Variants in RAP1GAP2 observed in about 807,000 individuals in gnomAD.
The protein encoded by RAP1GAP2 is rap1 GTPase-activating protein 2.
Under a neutral mutation model 95.0 loss-of-function variants are expected in RAP1GAP2, and 27 were observed. That is an observed-to-expected ratio of 0.28 (90% confidence interval 0.21 to 0.39). RAP1GAP2 has a LOEUF of 0.39. Ranked by LOEUF, RAP1GAP2 falls within the 10% of genes least tolerant of loss-of-function variation. The pLI is 1.00. For synonymous variants in RAP1GAP2, 373 were observed against 380.9 expected (o/e 0.98, Z 0.24); for missense variants, 771 against 970.0 (o/e 0.79, Z 2.72).
At chr17:2,962,875 G>A (rs2044400832) in intron 5 of RAP1GAP2, 161 bp downstream of exon 5, 5 of 670,326 alleles carry the variant, frequency 7.5e-6, no homozygotes, top group South Asian at 2.2e-5. Flanking sequence ...TTAGACCAGT[G>A]CACGGTGGGC....
At chr17:2,921,261 G>A (rs563674360) in intron 3 of RAP1GAP2, among the ~76,000 whole-genome samples, 1 of 151,930 alleles carries the variant, frequency 6.6e-6, no homozygotes, top group African/African-American at 2.4e-5. Context: ...GTGCAGTGGC[G>A]TGATCTTGGC....
rs967579580 is a variant in RAP1GAP2, at chr17:2,857,796, C to T, written c.81-47488C>T. Among the ~76,000 whole-genome samples, 2 of 152,110 alleles carry T rather than the reference C, an allele frequency of 1.3e-5. No homozygotes were observed. The highest frequency in any genetic ancestry group is 2.4e-5 in the African/African-American group (1 of 41,430). ...TGGGAAGGACGGAGGCCGAGGAACA[C>T]GATCAAAATATGTACGTTCTTGGCC... On this transcript the variant is annotated intron_variant, in intron 2 of 24. Coordinates refer to ENST00000254695, the MANE Select transcript of RAP1GAP2 (RefSeq NM_015085.5). The surrounding 1 kb of genome is among the most constrained non-coding windows in gnomAD (Gnocchi z 4.0).
intron 2 of RAP1GAP2, among the ~76,000 whole-genome samples, chr17:2,861,650 TG>T (rs67341896): frequency 0.52 from 73,193 of 140,034 alleles, 18,189 homozygotes; most frequent in African/African-American, 0.61. Flanking sequence ...GTATTTTTTT[TG>T]GGGGGGGGGA....
At chr17:2,790,646 G>A (rs1359401590) in intron 1 of RAP1GAP2, among the ~76,000 whole-genome samples, 2 of 152,210 alleles carry the variant, frequency 1.3e-5, no homozygotes, top group African/African-American at 4.8e-5. Context: ...CCTAGTGCCT[G>A]CTTCACTCGG....
chr17:2,905,350 G>A lies in RAP1GAP2; in HGVS notation c.147G>A (p.Thr49=), dbSNP rs777053914. ...ACCGGCCGCTCTCCCCTCCTCTCAC[G>A]GCACCTCCCACCATGAAGGTAAGAG... The part of the protein sequence containing the change: ...LPDRPLSPPL[T]APPTMKSSEF... Residue 49 remains threonine, a synonymous_variant, in exon 3 of 25, where the codon ACG becomes ACA. Coordinates refer to ENST00000254695, the MANE Select transcript of RAP1GAP2 (RefSeq NM_015085.5). 6 of 1,613,474 alleles carry A rather than the reference G, an allele frequency of 3.7e-6. No homozygotes were observed. The highest frequency in any genetic ancestry group is 5.1e-6 in the Non-Finnish European group (6 of 1,179,590).
At chr17:2,770,594 T>C (rs1027752075) in intron 2 of RAP1GAP2, 11 of 396,746 alleles carry the variant, frequency 2.8e-5, no homozygotes, top group Non-Finnish European at 4.9e-5. Flanking sequence ...TAGGAAAGAA[T>C]TTATCAGCCT....
At chr17:2,862,768 C>T (rs779749467) in intron 2 of RAP1GAP2, among the ~76,000 whole-genome samples, 13 of 152,048 alleles carry the variant, frequency 8.5e-5, no homozygotes, top group Non-Finnish European at 1.6e-4. Flanking sequence ...GAGGCCAAGG[C>T]GGGCGGATCA....
In RAP1GAP2 at chr17:2,963,332, C is replaced by T; in HGVS notation, c.247-98C>T. On this transcript the variant is annotated intron_variant, in intron 5 of 24. Coordinates refer to ENST00000254695, the MANE Select transcript of RAP1GAP2 (RefSeq NM_015085.5). The surrounding 1 kb of genome is among the most constrained non-coding windows in gnomAD (Gnocchi z 4.8). ...CATCGAATGTTCCTCCCTCAAAGCC[C>T]CCCCACAACATATCCCCCTTGCAAG... is the stretch of plus-strand genomic sequence containing the variant. The T allele has an allele frequency of 7.4e-7, 1 of 1,360,264 alleles. No individual in the cohort carries two copies. Among genetic ancestry groups the T allele is most frequent in the South Asian group, 1.2e-5 (1 of 85,394 alleles). The allele number at this position is 1,360,264 out of a possible 1,614,324, so 84.3% of individuals were successfully genotyped here. A position where few individuals can be genotyped will look rare whatever the true frequency, so the allele number is the denominator to read the frequency against.
At chr17:3,012,951 G>T (rs1313429253) in intron 17 of RAP1GAP2, among the ~76,000 whole-genome samples, 5 of 152,192 alleles carry the variant, frequency 3.3e-5, no homozygotes, top group African/African-American at 9.7e-5. Flanking sequence ...CGTAGAGCAC[G>T]TGCAGGCCAC....
intron 3 of RAP1GAP2, among the ~76,000 whole-genome samples, chr17:2,905,590 G>A (rs1377956967): frequency 1.3e-5 from 2 of 152,226 alleles, no homozygotes; most frequent in Non-Finnish European, 2.9e-5. Context: ...CATTGGGGTT[G>A]AAATGGGGTT....
In RAP1GAP2 at chr17:3,029,362, C is replaced by T. The variant is rs1425831496; in HGVS notation, c.2108-1560C>T. ...GGCTGCCTCTTACACACCTTTTCTCCACACAGTATTTAACCCCGATGGGCT... is the reference window on the plus strand; with the variant it reads ...GGCTGCCTCTTACACACCTTTTCTCTACACAGTATTTAACCCCGATGGGCT... On this transcript the variant is annotated intron_variant, in intron 22 of 24. Coordinates refer to ENST00000254695, the MANE Select transcript of RAP1GAP2 (RefSeq NM_015085.5). This position sits in a 1 kb window ranked among gnomAD's most constrained non-coding sequence, Gnocchi z 4.4. 6.6e-6 allele frequency among the ~76,000 whole-genome samples: 1 copy of T among 152,114 alleles called. No homozygotes were observed. Among genetic ancestry groups the T allele is most frequent in the Non-Finnish European group, 1.5e-5 (1 of 68,030 alleles).
At chr17:2,796,251 G>A (rs981993926), upstream of RAP1GAP2, among the ~76,000 whole-genome samples, 1 of 152,190 alleles carries the variant, frequency 6.6e-6, no homozygotes, top group East Asian at 1.9e-4. This position sits in a 1 kb window ranked among gnomAD's most constrained non-coding sequence, Gnocchi z 4.7. Context: ...TGCCAGCCGA[G>A]CCCCTTCCGG....
At chr17:2,775,958 C>T (rs2068489399), upstream of RAP1GAP2, among the ~76,000 whole-genome samples, 1 of 152,218 alleles carries the variant, frequency 6.6e-6, no homozygotes, top group Non-Finnish European at 1.5e-5. Flanking sequence ...GCGGGTGGAT[C>T]ACCTAAGGCC....
chr17:2,889,189 G>A (rs988028079), intron 2 of RAP1GAP2, among the ~76,000 whole-genome samples: 10 of 152,130 alleles, frequency 6.6e-5, no homozygotes, highest in African/African-American at 2.2e-4. Flanking sequence ...GCTCACTTAC[G>A]TTCCCACCAA....
At chr17:3,020,638 C>G (rs764334185) in intron 19 of RAP1GAP2, 43 bp downstream of exon 19, 2 of 1,535,418 alleles carry the variant, frequency 1.3e-6, no homozygotes, top group Non-Finnish European at 1.8e-6. Context: ...CTTGCGGGGT[C>G]TGTCAACCCC....
rs201235349 is a variant in RAP1GAP2, at chr17:2,998,253, C to T, written c.1077C>T (p.Ile359=). 3.0e-4 allele frequency: 478 copies of T among 1,613,978 alleles called. 1 individual carries two copies. In the African/African-American group the frequency reaches 5.6e-3, roughly 19 times the overall value. The change falls in exon 14 of 25, where the codon ATC becomes ATT. Residue 359 remains isoleucine (I), a synonymous_variant. Transcript: ENST00000254695. ...GAAAGAGACACATTGGAAATGACATCGTGGCCATCATCTTCCAAGAGGAAA... is the reference window on the plus strand; with the variant it reads ...GAAAGAGACACATTGGAAATGACATTGTGGCCATCATCTTCCAAGAGGAAA... ...LQRKRHIGND[I]VAIIFQEENT... is the part of the protein sequence containing the mutation.
chr17:2,895,639 C>T (rs565369655), intron 2 of RAP1GAP2, among the ~76,000 whole-genome samples: 9 of 151,874 alleles, frequency 5.9e-5, no homozygotes, highest in Non-Finnish European at 1.0e-4. Flanking sequence ...TGCAGTGGCG[C>T]GATCTCGGCT....
At position 3,012,315 on chromosome 17, in the gene RAP1GAP2, A is replaced by G. The variant is rs558446007; in HGVS notation, c.1494+4170A>G. Among the ~76,000 whole-genome samples the G allele has an allele frequency of 8.0e-4, 122 of 152,036 alleles. 1 individual carries two copies. In the Middle Eastern group the frequency reaches 0.031, roughly 38 times the overall value. ...TTAGATCTAAAAAAAAAAACCTTCCAATTATAAAGACTGAACGTTTGGCTG... is the reference window on the plus strand; with the variant it reads ...TTAGATCTAAAAAAAAAAACCTTCCGATTATAAAGACTGAACGTTTGGCTG... On this transcript the variant is annotated intron_variant, in intron 17 of 24. Coordinates refer to ENST00000254695, the MANE Select transcript of RAP1GAP2 (RefSeq NM_015085.5).
rs868730699 is a variant in RAP1GAP2, at chr17:2,870,757, G to A, written c.81-34527G>A. Among the ~76,000 whole-genome samples the A allele has an allele frequency of 6.6e-6, 1 of 152,138 alleles. No individual in the cohort carries two copies. The highest frequency in any genetic ancestry group is 1.5e-5 in the Non-Finnish European group (1 of 68,034). ...TGAATTAGCCAAACAAAATAAGGGG[G>A]TTTATTGGCTGGGGTAACCCATCTG... is the stretch of plus-strand genomic sequence containing the variant. On this transcript the variant is annotated intron_variant, in intron 2 of 24. Transcript: ENST00000254695. This position sits in a 1 kb window ranked among gnomAD's most constrained non-coding sequence, Gnocchi z 4.4.
Sources: allele counts gnomAD v4.1 joint callset (sites outside exome capture counted in the v4.1 genomes callset), GRCh38; gene constraint gnomAD v4.1.1; non-coding constraint Gnocchi (gnomAD v3.1); transcripts MANE v1.5; gene names NCBI Gene and HGNC (gene_info 2026-07-23, HGNC 2026-07-21).